Variants in SPNS3 observed in about 807,000 individuals in gnomAD.
The protein encoded by SPNS3 is SPNS lysolipid transporter 3, sphingosine-1-phosphate (putative), also known as protein spinster homolog 3.
In SPNS3, 51 loss-of-function variants were observed where a neutral mutation model predicts 54.4. The observed-to-expected ratio is 0.94, with a 90% confidence interval of 0.75 to 1.18. SPNS3 has a LOEUF of 1.18. Ranked by LOEUF, SPNS3 falls within the 50% of genes most tolerant of loss-of-function variation. The pLI is 0.00. For synonymous variants in SPNS3, 309 were observed against 294.7 expected, an observed-to-expected ratio of 1.05 and a Z score of -0.50; for missense variants, 669 against 677.4, an observed-to-expected ratio of 0.99 and a Z score of 0.14.
chr17:4,460,311 C>T (rs1479178192), intron 8 of SPNS3, among the ~76,000 whole-genome samples: 1 of 152,118 alleles, frequency 6.6e-6, no homozygotes, highest in East Asian at 1.9e-4. Context: ...TAGTTTTGTC[C>T]TTTATTCAAT....
chr17:4,440,484 T>A (rs1369329511), intron 2 of SPNS3, among the ~76,000 whole-genome samples: 1 of 152,202 alleles, frequency 6.6e-6, no homozygotes, highest in Non-Finnish European at 1.5e-5. Context: ...ACAGTCACTT[T>A]CCAGGGGTTA....
At chr17:4,450,632 C>T (rs577692343) in intron 7 of SPNS3, among the ~76,000 whole-genome samples, 205 of 151,652 alleles carry the variant, frequency 1.4e-3, no homozygotes, top group Admixed American at 2.8e-3. Flanking sequence ...GTTTCACTCT[C>T]GTTGCCCAGG....
rs1450622062 is a variant in SPNS3, at chr17:4,453,098, G to A, written c.1006G>A (p.Val336Ile). 17 of 1,614,130 alleles carry A rather than the reference G, an allele frequency of 1.1e-5. No homozygotes were observed. The highest frequency in any genetic ancestry group is 1.4e-5 in the Non-Finnish European group (17 of 1,180,010). The stretch of plus-strand genomic sequence containing the variant: ...AGAAGCTGCGAGGAGGTACAAGAAA[G>A]TCATTCCAGGAGCTGAGCCCCTCAT... ...GAEAARRYKK[V>I]IPGAEPLICA... Residue 336 changes from valine (V) to isoleucine (I), a missense_variant, in exon 8 of 12, where the codon GTC becomes ATC. By Grantham distance (29) the Val-to-Ile change is conservative. Coordinates refer to ENST00000355530, the MANE Select transcript of SPNS3 (RefSeq NM_182538.5).
At chr17:4,482,912 T>C (rs748799827) in intron 9 of SPNS3, among the ~76,000 whole-genome samples, 8 of 152,072 alleles carry the variant, frequency 5.3e-5, no homozygotes, top group African/African-American at 1.4e-4. Flanking sequence ...TCCCAACCAG[T>C]TGGGGGGCTA....
chr17:4,447,404 C>T (rs372826314), intron 5 of SPNS3, among the ~76,000 whole-genome samples: 5 of 152,196 alleles, frequency 3.3e-5, no homozygotes, highest in Non-Finnish European at 7.3e-5. Flanking sequence ...GGGCAGGCCC[C>T]GCTGGGGCTC....
At chr17:4,456,711 TGTTTTTTTTG>T (rs1971324806) in intron 8 of SPNS3, among the ~76,000 whole-genome samples, 1 of 137,370 alleles carries the variant, frequency 7.3e-6, no homozygotes, top group South Asian at 2.2e-4. Flanking sequence ...TTTGTTTTTG[TGTTTTTTTTG>T]GTTTTTTTTT....
chr17:4,454,589 T>A (rs1232564549), intron 8 of SPNS3, among the ~76,000 whole-genome samples: 4 of 151,518 alleles, frequency 2.6e-5, no homozygotes, highest in African/African-American at 9.7e-5. Flanking sequence ...AAAACAACTT[T>A]AGCCCTGCTT....
In SPNS3 at chr17:4,486,645, G is replaced by A. The variant is rs987585905; in HGVS notation, c.1450+62G>A. 6.0e-6 allele frequency: 9 copies of A among 1,508,180 alleles called. No homozygotes were observed. In the African/African-American group the frequency reaches 7.0e-5, roughly 12 times the overall value. The allele number at this position is 1,508,180 out of a possible 1,614,324, so 93.4% of individuals were successfully genotyped here. A position where few individuals can be genotyped will look rare whatever the true frequency, so the allele number is the denominator to read the frequency against. On this transcript the variant is annotated intron_variant, in intron 11 of 11. Coordinates refer to ENST00000355530, the MANE Select transcript of SPNS3 (RefSeq NM_182538.5). The surrounding 1 kb of genome is among the most constrained non-coding windows in gnomAD (Gnocchi z 5.5). ...GGCACCCTAGGGACAGACAGCACTGGCCACCCCCTGAATCCCTGGCCAGTT... is the reference window on the plus strand; with the variant it reads ...GGCACCCTAGGGACAGACAGCACTGACCACCCCCTGAATCCCTGGCCAGTT...
At chr17:4,468,721 T>TTTTCTTTCTTTTTTTCTTTCTTTCTTTC (rs1971755578) in intron 8 of SPNS3, among the ~76,000 whole-genome samples, 1 of 121,372 alleles carries the variant, frequency 8.2e-6, no homozygotes, top group Non-Finnish European at 1.7e-5. Context: ...TCTCTCTTTC[T>TTTTCTTTCTTTTTTTCTTTCTTTCTTTC]TTTCTTTCTT....
Position 4,487,843 on chromosome 17 carries a change from G to A in SPNS3, c.1488G>A (p.Leu496=). 6.2e-7 allele frequency: 1 copy of A among 1,614,154 alleles called. No individual in the cohort carries two copies. Among genetic ancestry groups the A allele is most frequent in the Non-Finnish European group, 8.5e-7 (1 of 1,179,944 alleles). ...GCAATGATGTGGACAGCAACGACCT[G>A]GAGAGACAAGGCCTACTTTCGGGCG... The part of the protein sequence containing the change: ...PDSNDVDSND[L]ERQGLLSGAG... The change falls in exon 12 of 12, where the codon CTG becomes CTA. Residue 496 remains leucine (L), a synonymous_variant. Coordinates refer to ENST00000355530, the MANE Select transcript of SPNS3 (RefSeq NM_182538.5).
At chr17:4,434,353 C>T (rs1279741382) in intron 1 of SPNS3, among the ~76,000 whole-genome samples, 187 bp downstream of exon 1, 1 of 152,168 alleles carries the variant, frequency 6.6e-6, no homozygotes, top group Non-Finnish European at 1.5e-5. Flanking sequence ...TGTTCCCAAT[C>T]CAGCCTCAAC....
At chr17:4,435,824 C>T (rs902978550) in intron 1 of SPNS3, among the ~76,000 whole-genome samples, 19 of 152,176 alleles carry the variant, frequency 1.2e-4, no homozygotes, top group African/African-American at 1.2e-4. Context: ...CCCAGCTACT[C>T]GGGAGGCTGA....
At chr17:4,479,754 C>T (rs1266860732) in intron 9 of SPNS3, among the ~76,000 whole-genome samples, 1 of 152,238 alleles carries the variant, frequency 6.6e-6, no homozygotes, top group Non-Finnish European at 1.5e-5. Flanking sequence ...GGCTGTCAGC[C>T]CTGGTCCTGC....
intron 2 of SPNS3, among the ~76,000 whole-genome samples, chr17:4,442,322 C>T (rs1000458387): frequency 1.3e-5 from 2 of 151,742 alleles, no homozygotes; most frequent in Non-Finnish European, 2.9e-5. Flanking sequence ...CACCTGAGGT[C>T]GGGAGTTTGA....
Position 4,448,032 on chromosome 17 carries a change from C to T in SPNS3, c.622-123C>T, listed in dbSNP as rs1597310144. 8 of 971,606 alleles carry T rather than the reference C, an allele frequency of 8.2e-6. No individual in the cohort carries two copies. The East Asian group carries it at 1.9e-4, about 23-fold the overall frequency. The allele number at this position is 971,606 out of a possible 1,614,324, so 60.2% of individuals were successfully genotyped here. ...GCATCCAGGAATCAGGTCACCCCCA[C>T]TACCCCCAGGGCTTGGAAACCAGAG... On this transcript the variant is annotated intron_variant, in intron 5 of 11. Transcript: ENST00000355530.
chr17:4,455,450 C>A (rs1971282107), intron 8 of SPNS3, among the ~76,000 whole-genome samples: 2 of 152,326 alleles, frequency 1.3e-5, no homozygotes, highest in Middle Eastern at 6.8e-3. Flanking sequence ...GTGGCAGATG[C>A]CCAGAGGCGG....
At chr17:4,437,698 CAA>C in intron 1 of SPNS3, among the ~76,000 whole-genome samples, 1 of 145,326 alleles carries the variant, frequency 6.9e-6, no homozygotes, top group South Asian at 2.2e-4. Flanking sequence ...AAATAAAAAA[CAA>C]AATATTAAAA....
intron 2 of SPNS3, among the ~76,000 whole-genome samples, chr17:4,442,953 G>C (rs1381609676): frequency 6.6e-6 from 1 of 152,200 alleles, no homozygotes; most frequent in Non-Finnish European, 1.5e-5. Context: ...TTCCCCTTGG[G>C]AAGGGCATCT....
chr17:4,480,568 CT>C (rs1447513946), intron 9 of SPNS3, among the ~76,000 whole-genome samples: 1 of 152,200 alleles, frequency 6.6e-6, no homozygotes, highest in East Asian at 1.9e-4. Context: ...TATGTGAAGG[CT>C]GCACCCGTGT....
Sources: gnomAD v4.1 joint callset for allele counts (sites outside exome capture counted in the v4.1 genomes callset) on GRCh38, gnomAD v4.1.1 for gene constraint, Gnocchi (gnomAD v3.1) non-coding constraint, MANE v1.5 for transcripts, NCBI Gene and HGNC (gene_info 2026-07-23, HGNC 2026-07-21) for gene names.